Variants in EML6 observed in about 807,000 individuals in gnomAD.
EML6 encodes echinoderm microtubule-associated protein-like 6.
In EML6, 154 loss-of-function variants were observed where a neutral mutation model predicts 240.1. That is an observed-to-expected ratio of 0.64 (90% CI 0.56 to 0.73). EML6 has a LOEUF of 0.73. EML6 is among the 30% of genes least tolerant of loss of function. The pLI, the probability that EML6 is intolerant of heterozygous loss-of-function variation, is 0.00. For synonymous variants in EML6, 1,148 were observed against 899.0 expected (o/e 1.28, Z -4.95); for missense variants, 2,964 against 2,474.6 (o/e 1.20, Z -4.20).
At chr2:54,962,746 G>C in intron 36 of EML6, 35 bp downstream of exon 36, 1 of 1,433,348 alleles carries the variant, frequency 7.0e-7, no homozygotes, top group Non-Finnish European at 9.2e-7. Flanking sequence ...AGATGCCCAC[G>C]AGTGGGCTGC....
intron 7 of EML6, among the ~76,000 whole-genome samples, chr2:54,840,851 T>C (rs1020587677): frequency 4.6e-5 from 7 of 152,224 alleles, no homozygotes; most frequent in African/African-American, 1.7e-4. Flanking sequence ...AGTAGATTAT[T>C]TGTTTTTTGC....
At chr2:54,924,867 C>CT (rs918290290) in intron 26 of EML6, among the ~76,000 whole-genome samples, 17 of 151,562 alleles carry the variant, frequency 1.1e-4, no homozygotes, top group South Asian at 2.1e-4. Context: ...CCAGCCTCTT[C>CT]TTTTTTTTTC....
rs1385568026 is a variant in EML6, at chr2:54,723,683, G to C, written c.-608G>C. ...CCCCAGTGACGAAGTCCATCCCCGG[G>C]TGCGGGAGGCGGGGAGGGGAGGGCA... On this transcript the variant is annotated 5_prime_UTR_variant, in exon 1 of 42. Coordinates refer to ENST00000356458, the MANE Select transcript of EML6 (RefSeq NM_001039753.4). The C allele has an allele frequency of 6.6e-6, 1 of 152,264 alleles. No homozygotes were observed. The highest frequency in any genetic ancestry group is 2.4e-5 in the African/African-American group (1 of 41,466). 9.4% of individuals were successfully genotyped at this position (152,264 alleles called of 1,614,324 possible).
At chr2:54,762,475 T>C (rs1668020011) in intron 2 of EML6, among the ~76,000 whole-genome samples, 1 of 152,160 alleles carries the variant, frequency 6.6e-6, no homozygotes, top group Admixed American at 6.6e-5. Context: ...GTGGAAGTGC[T>C]TTTTAAGACT....
intron 2 of EML6, among the ~76,000 whole-genome samples, chr2:54,759,588 C>A (rs970312473): frequency 6.6e-6 from 1 of 151,952 alleles, no homozygotes; most frequent in Admixed American, 6.6e-5. Flanking sequence ...CATAAATTAG[C>A]AATGGATGCC....
chr2:54,760,870 C>A (rs1331064958), intron 2 of EML6, among the ~76,000 whole-genome samples: 1 of 138,138 alleles, frequency 7.2e-6, no homozygotes, highest in Admixed American at 7.6e-5. Flanking sequence ...CTGGGACAGA[C>A]TGAAAGATGG....
chr2:54,762,255 A>T (rs959769966), intron 2 of EML6, among the ~76,000 whole-genome samples: 6 of 151,884 alleles, frequency 4.0e-5, no homozygotes, highest in Non-Finnish European at 8.8e-5. Flanking sequence ...TTTCCTCATG[A>T]TCAGCTTTAG....
chr2:54,901,744 G>A (rs1356760627), intron 22 of EML6, among the ~76,000 whole-genome samples: 1 of 152,198 alleles, frequency 6.6e-6, no homozygotes, highest in African/African-American at 2.4e-5. Flanking sequence ...CATGAACAGA[G>A]GAGTTGGTAA....
intron 2 of EML6, among the ~76,000 whole-genome samples, chr2:54,752,477 A>G (rs182081560): frequency 1.3e-3 from 193 of 152,322 alleles, no homozygotes; most frequent in South Asian, 3.7e-3. Context: ...CTTGAAGATA[A>G]CCACTATTCT....
At chr2:54,847,919 T>C (rs1252513400) in intron 9 of EML6, among the ~76,000 whole-genome samples, 3 of 152,236 alleles carry the variant, frequency 2.0e-5, no homozygotes, top group Non-Finnish European at 2.9e-5. Flanking sequence ...TGCAAAATTA[T>C]TGTGTTTAAT....
At chr2:54,845,648 A>G (rs1669711819) in intron 8 of EML6, among the ~76,000 whole-genome samples, 1 of 152,236 alleles carries the variant, frequency 6.6e-6, no homozygotes, top group African/African-American at 2.4e-5. Context: ...CAAGGGTTAC[A>G]TTGCTTAAAA....
intron 11 of EML6, among the ~76,000 whole-genome samples, chr2:54,855,550 G>A (rs1027259875): frequency 2.2e-4 from 33 of 146,672 alleles, no homozygotes; most frequent in Admixed American, 7.0e-4. Context: ...AGGGTGAGTA[G>A]TGCTGTCAAA....
chr2:54,912,335 G>A (rs917282614), intron 25 of EML6, among the ~76,000 whole-genome samples: 7 of 152,116 alleles, frequency 4.6e-5, no homozygotes, highest in Non-Finnish European at 1.0e-4. Context: ...TGAGTAAGAG[G>A]TATTTTTAAT....
chr2:54,776,439 A>G (rs1212757503), intron 2 of EML6, among the ~76,000 whole-genome samples: 3 of 152,002 alleles, frequency 2.0e-5, no homozygotes, highest in Non-Finnish European at 4.4e-5. Flanking sequence ...CAGTTTTTAT[A>G]CTTTTATTTT....
intron 14 of EML6, chr2:54,868,785 C>T (rs1671101105): frequency 6.1e-6 from 1 of 164,080 alleles, no homozygotes; most frequent in African/African-American, 2.4e-5. Context: ...GTCTGTGTCC[C>T]GGAGTAATAC....
intron 21 of EML6, 96 bp downstream of exon 21, chr2:54,895,496 C>G: frequency 1.6e-6 from 2 of 1,247,542 alleles, no homozygotes; most frequent in East Asian, 2.5e-5. Context: ...TAAGGAGGCA[C>G]TCACTCTCAG....
At chr2:54,892,147 A>T (rs1000398792) in intron 18 of EML6, among the ~76,000 whole-genome samples, 7 of 152,174 alleles carry the variant, frequency 4.6e-5, no homozygotes, top group Non-Finnish European at 5.9e-5. Context: ...TTGGACTGAG[A>T]TGCATATTGA....
chr2:54,834,951 C>T (rs1262076671), intron 7 of EML6, among the ~76,000 whole-genome samples: 2 of 152,192 alleles, frequency 1.3e-5, no homozygotes, highest in Non-Finnish European at 2.9e-5. Context: ...TTCCTCAAAA[C>T]CCTGCAATGA....
chr2:54,732,945 G>A (rs1216090867), intron 2 of EML6, among the ~76,000 whole-genome samples: 1 of 152,228 alleles, frequency 6.6e-6, no homozygotes, highest in African/African-American at 2.4e-5. Flanking sequence ...TGTTGAGCCA[G>A]CTGAGGAGGT....
Sources: allele counts gnomAD v4.1 joint callset (sites outside exome capture counted in the v4.1 genomes callset), GRCh38; gene constraint gnomAD v4.1.1; transcripts MANE v1.5; gene names NCBI Gene and HGNC (gene_info 2026-07-23, HGNC 2026-07-21).